Variants in SWT1 observed in about 807,000 individuals in gnomAD.
SWT1 encodes SWT1 RNA endoribonuclease homolog, also known as transcriptional protein SWT1.
Under a neutral mutation model 107.3 loss-of-function variants are expected in SWT1, and 33 were observed. The observed-to-expected ratio is 0.31, with a 90% CI of 0.23 to 0.41. The LOEUF is 0.41. Ranked by LOEUF, SWT1 falls within the 10% of genes least tolerant of loss-of-function variation. The pLI is 1.00. For missense variants in SWT1, 898 were observed against 1,028.9 expected (o/e 0.87, Z 1.74); for synonymous variants, 345 against 348.3 (o/e 0.99, Z 0.11).
At chr1:185,185,131 A>G (rs1192461025) in intron 9 of SWT1, among the ~76,000 whole-genome samples, 200 bp downstream of exon 9, 1 of 152,194 alleles carries the variant, frequency 6.6e-6, no homozygotes, top group African/African-American at 2.4e-5. Flanking sequence ...TTTTTACATT[A>G]TGTCTATATT....
Position 185,214,494 on chromosome 1 carries a change from T to C in SWT1, c.1973-13T>C, listed in dbSNP as rs751560983. On this transcript the variant is annotated splice_polypyrimidine_tract_variant and intron_variant, in intron 13 of 18. Coordinates refer to ENST00000367500, the MANE Select transcript of SWT1 (RefSeq NM_017673.7). ...TTCTTCCATATTTTTCTGTCTTAAT[T>C]TTCTGTTACCAGCTAATAAGGCAGT... 1.3e-6 allele frequency: 2 copies of C among 1,592,754 alleles called. No homozygotes were observed. Among genetic ancestry groups the C allele is most frequent in the Admixed American group, 3.6e-5 (2 of 55,730 alleles).
chr1:185,285,743 A>G (rs567661121), intron 18 of SWT1, among the ~76,000 whole-genome samples: 1 of 152,300 alleles, frequency 6.6e-6, no homozygotes, highest in African/African-American at 2.4e-5. Context: ...AGCTTCATTC[A>G]TGCATTCATC....
intron 4 of SWT1, among the ~76,000 whole-genome samples, chr1:185,169,551 A>G (rs1423031945): frequency 6.6e-6 from 1 of 152,154 alleles, no homozygotes; most frequent in African/African-American, 2.4e-5. Flanking sequence ...CCATTACTGT[A>G]ATTCCTGTTC....
At chr1:185,263,592 G>T (rs1663180301) in intron 16 of SWT1, 1 of 152,130 alleles carries the variant, frequency 6.6e-6, no homozygotes, top group Non-Finnish European at 1.5e-5. Context: ...TTTTGAAGGT[G>T]GTTTCAACTG....
At chr1:185,290,615 G>T (rs1447986016) in intron 18 of SWT1, 59 bp from the exon 19 acceptor site, 21 of 1,312,758 alleles carry the variant, frequency 1.6e-5, no homozygotes, top group Non-Finnish European at 2.0e-5. Context: ...AAATGAAAAA[G>T]AATTTTTATT....
intron 16 of SWT1, among the ~76,000 whole-genome samples, chr1:185,261,617 A>C (rs1307854254): frequency 1.3e-5 from 2 of 151,414 alleles, no homozygotes; most frequent in East Asian, 3.9e-4. Context: ...ATTCCCAACA[A>C]GAGTGCACAA....
At chr1:185,176,693 T>G in intron 5 of SWT1, 1 of 985,262 alleles carries the variant, frequency 1.0e-6, no homozygotes, top group Non-Finnish European at 1.2e-6. Context: ...GTATTAAGAC[T>G]GTGGACTGTG....
At chr1:185,224,604 C>A (rs766936518) in intron 15 of SWT1, among the ~76,000 whole-genome samples, 5 of 152,170 alleles carry the variant, frequency 3.3e-5, no homozygotes, top group Non-Finnish European at 5.9e-5. Flanking sequence ...TCTTCCAATA[C>A]ATGAACATGA....
At chr1:185,241,537 C>A (rs1194486125) in intron 16 of SWT1, among the ~76,000 whole-genome samples, 1 of 152,068 alleles carries the variant, frequency 6.6e-6, no homozygotes, top group Admixed American at 6.6e-5. Flanking sequence ...GTTGCTTCAT[C>A]CTTCATGCCA....
intron 16 of SWT1, among the ~76,000 whole-genome samples, chr1:185,246,882 G>C (rs1018654142): frequency 2.0e-5 from 3 of 152,070 alleles, no homozygotes; most frequent in East Asian, 1.9e-4. Context: ...TCCCACCTCA[G>C]CTTCTTCAAG....
At chr1:185,184,544 A>G (rs900755811) in intron 8 of SWT1, among the ~76,000 whole-genome samples, 199 bp from the exon 9 acceptor site, 10 of 152,156 alleles carry the variant, frequency 6.6e-5, no homozygotes, top group African/African-American at 2.4e-4. Flanking sequence ...GATCTCCAAG[A>G]GTAATTATTT....
intron 18 of SWT1, among the ~76,000 whole-genome samples, chr1:185,289,458 T>TAAG (rs572563091): frequency 9.5e-4 from 144 of 152,346 alleles, no homozygotes; most frequent in African/African-American, 3.4e-3. Context: ...GGGCTTATGT[T>TAAG]AAGATGTTTT....
rs1316785394 is a variant in SWT1 at position 185,255,435 on chromosome 1, C to G, written c.2442-15888C>G. The stretch of plus-strand genomic sequence containing the variant: ...AGTCTAAGTCTCTTTGTAGGTCACT[C>G]AGGACTTGCTTTATGAATCTTGGTG... On this transcript the variant is annotated intron_variant, in intron 16 of 18. Coordinates refer to ENST00000367500, the MANE Select transcript of SWT1 (RefSeq NM_017673.7). 5.3e-4 allele frequency among the ~76,000 whole-genome samples: 72 copies of G among 136,580 alleles called. 1 individual carries two copies. In the East Asian group the frequency reaches 8.6e-3, roughly 16 times the overall value. The allele number at this position is 136,580 out of a possible 152,430, so 89.6% of individuals were successfully genotyped here. A position where few individuals can be genotyped will look rare whatever the true frequency, so the allele number is the denominator to read the frequency against.
intron 9 of SWT1, among the ~76,000 whole-genome samples, chr1:185,189,922 C>G (rs1436851239): frequency 2.0e-5 from 3 of 151,266 alleles, no homozygotes; most frequent in African/African-American, 7.3e-5. Flanking sequence ...GATCTCAGCT[C>G]ACTGCAACCT....
intron 14 of SWT1, among the ~76,000 whole-genome samples, chr1:185,215,418 G>C (rs548056203): frequency 6.6e-6 from 1 of 152,144 alleles, no homozygotes; most frequent in Non-Finnish European, 1.5e-5. Context: ...TGATACAATA[G>C]TTATCTGTGA....
intron 5 of SWT1, among the ~76,000 whole-genome samples, chr1:185,178,046 A>G (rs1655713468): frequency 6.6e-6 from 1 of 152,214 alleles, no homozygotes; most frequent in Admixed American, 6.5e-5. Context: ...ATTGTACTAT[A>G]GTGAAGTAAA....
intron 16 of SWT1, among the ~76,000 whole-genome samples, chr1:185,260,245 G>T (rs1268756149): frequency 6.6e-6 from 1 of 152,130 alleles, no homozygotes; most frequent in African/African-American, 2.4e-5. Context: ...GAAAGGATTG[G>T]AGAACAAAGG....
intron 12 of SWT1, 38 bp from the exon 13 acceptor site, chr1:185,206,587 A>G: frequency 7.9e-7 from 1 of 1,265,508 alleles, no homozygotes; most frequent in Non-Finnish European, 1.0e-6. Flanking sequence ...TGGAATAATA[A>G]ATCTAGAGAT....
At chr1:185,210,052 G>A (rs1184833284) in intron 13 of SWT1, among the ~76,000 whole-genome samples, 5 of 152,008 alleles carry the variant, frequency 3.3e-5, no homozygotes, top group Admixed American at 6.6e-5. Context: ...CATATCCCTC[G>A]CCCACTTTTT....
Sources: gnomAD v4.1 joint callset for allele counts (sites outside exome capture counted in the v4.1 genomes callset) on GRCh38, gnomAD v4.1.1 for gene constraint, MANE v1.5 for transcripts, NCBI Gene and HGNC (gene_info 2026-07-23, HGNC 2026-07-21) for gene names.